The following TRIM5 variants were observed in gnomAD, a reference collection of about 807,000 sequenced individuals.
TRIM5 encodes tripartite motif containing 5.
Under a neutral mutation model 35.6 loss-of-function variants are expected in TRIM5, and 31 were observed. The ratio of observed to expected loss-of-function variants is 0.87; its 90% confidence interval spans 0.65 to 1.18. The LOEUF (loss-of-function observed/expected upper bound fraction) is 1.18. Among genes scored for constraint, TRIM5 ranks in the 50% most tolerant of loss-of-function variants. The pLI, the probability that TRIM5 is intolerant of heterozygous loss-of-function variation, is 0.00. For synonymous variants in TRIM5, 243 were observed against 215.6 expected (o/e 1.13, Z -1.11); for missense variants, 609 against 591.6 (o/e 1.03, Z -0.31).
chr11:5,644,355 G>C, the TRIM5 span: 1 of 397,900 alleles, frequency 2.5e-6, no homozygotes. Flanking sequence ...CATCGATTTA[G>C]TGTCTGGAAC....
At chr11:5,647,301 C>T in the TRIM5 span, among the ~76,000 whole-genome samples, 3 of 152,098 alleles carry the variant, frequency 2.0e-5, no homozygotes, top group Non-Finnish European at 4.4e-5. Context: ...AAGATGTCAC[C>T]TTTTCATACT....
At chr11:5,600,061 T>C in the TRIM5 span, among the ~76,000 whole-genome samples, 1 of 152,172 alleles carries the variant, frequency 6.6e-6, no homozygotes, top group African/African-American at 2.4e-5. Flanking sequence ...TCTCAGATGA[T>C]AGGTAAATAC....
chr11:5,601,142 C>T, the TRIM5 span, among the ~76,000 whole-genome samples: 1 of 152,158 alleles, frequency 6.6e-6, no homozygotes, highest in East Asian at 1.9e-4. Context: ...GGCAAAATCC[C>T]ATCATCAAAT....
chr11:5,678,000 T>C, intron 4 of TRIM5: 2 of 467,138 alleles, frequency 4.3e-6, no homozygotes, highest in Non-Finnish European at 7.5e-6. Context: ...GTCAAATTTT[T>C]CTACTGCTCT....
At chr11:5,642,655 A>T in the TRIM5 span, 52 of 1,378,058 alleles carry the variant, frequency 3.8e-5, no homozygotes, top group Non-Finnish European at 4.5e-5. Flanking sequence ...GGATGCATTT[A>T]TATGTAAGGA....
chr11:5,670,589 G>T (rs1009820718), intron 4 of TRIM5, among the ~76,000 whole-genome samples: 2 of 152,122 alleles, frequency 1.3e-5, no homozygotes, highest in African/African-American at 4.8e-5. Flanking sequence ...CACACATATG[G>T]AAAGGATAAG....
chr11:5,630,825 T>A, the TRIM5 span, among the ~76,000 whole-genome samples: 5 of 152,232 alleles, frequency 3.3e-5, no homozygotes, highest in Non-Finnish European at 5.9e-5. Flanking sequence ...AGGTGACTGT[T>A]TACTTTATTC....
chr11:5,634,537 A>G, the TRIM5 span: 2 of 817,146 alleles, frequency 2.4e-6, no homozygotes, highest in South Asian at 4.0e-5. Context: ...ACACATATAT[A>G]TATATATATA....
At chr11:5,670,296 G>C (rs1851485137) in intron 4 of TRIM5, among the ~76,000 whole-genome samples, 1 of 147,074 alleles carries the variant, frequency 6.8e-6, no homozygotes, top group South Asian at 2.2e-4. Flanking sequence ...TCCTGTTTCA[G>C]CCTCCCGAGT....
chr11:5,666,197 T>A, intron 5 of TRIM5, 116 bp from the exon 6 acceptor site: 1 of 860,870 alleles, frequency 1.2e-6, no homozygotes, highest in East Asian at 2.7e-5. Flanking sequence ...TTCTTGGGGA[T>A]CCTGAGAAGG....
At chr11:5,631,593 G>A in the TRIM5 span, among the ~76,000 whole-genome samples, 2 of 152,180 alleles carry the variant, frequency 1.3e-5, no homozygotes, top group South Asian at 4.1e-4. Flanking sequence ...AAGTCTGTGA[G>A]GGCATGGGAG....
intron 4 of TRIM5, among the ~76,000 whole-genome samples, chr11:5,670,125 T>G (rs190187832): frequency 2.3e-4 from 35 of 151,880 alleles, no homozygotes; most frequent in African/African-American, 8.0e-4. Context: ...CATAAAAAAC[T>G]TTTAGGCTTG....
At chr11:5,671,246 CA>C in intron 4 of TRIM5, among the ~76,000 whole-genome samples, 1 of 149,586 alleles carries the variant, frequency 6.7e-6, no homozygotes, top group Non-Finnish European at 1.5e-5. Flanking sequence ...ATGTTATTTA[CA>C]AAAGAAATGT....
At chr11:5,624,591 A>G in the TRIM5 span, among the ~76,000 whole-genome samples, 1 of 152,216 alleles carries the variant, frequency 6.6e-6, no homozygotes, top group Non-Finnish European at 1.5e-5. Flanking sequence ...AGGGAAGGTT[A>G]AAACAGGGCT....
chr11:5,612,867 A>C, the TRIM5 span: 1 of 152,230 alleles, frequency 6.6e-6, no homozygotes, highest in Admixed American at 6.5e-5. Flanking sequence ...ATAATGTAAA[A>C]TATCTCACTA....
chr11:5,626,276 A>T, the TRIM5 span, among the ~76,000 whole-genome samples: 1 of 152,122 alleles, frequency 6.6e-6, no homozygotes, highest in South Asian at 2.1e-4. Flanking sequence ...TATACGTGGA[A>T]GCCTACATCC....
intron 3 of TRIM5, among the ~76,000 whole-genome samples, chr11:5,678,774 G>C (rs867917443): frequency 4.6e-5 from 7 of 152,124 alleles, no homozygotes; most frequent in South Asian, 2.1e-4. Context: ...ACAGAATCAT[G>C]AGCCATTGCC....
intron 1 of TRIM5, among the ~76,000 whole-genome samples, chr11:5,683,237 C>T (rs942356024): frequency 1.3e-5 from 2 of 152,238 alleles, no homozygotes; most frequent in Non-Finnish European, 2.9e-5. Context: ...AGCACCGCCC[C>T]CTGCTCCACG....
intron 3 of TRIM5, 41 bp downstream of exon 3, chr11:5,679,033 C>T (rs200008487): frequency 2.6e-6 from 4 of 1,559,404 alleles, no homozygotes; most frequent in Admixed American, 1.7e-5. Flanking sequence ...TGGTCCTGCC[C>T]AGATTTCTAG....
Sources: gnomAD v4.1 joint callset for allele counts (sites outside exome capture counted in the v4.1 genomes callset) on GRCh38, gnomAD v4.1.1 for gene constraint, MANE v1.5 for transcripts, NCBI Gene and HGNC (gene_info 2026-07-23, HGNC 2026-07-21) for gene names.